The following C1orf87 variants were observed in gnomAD, a reference collection of about 807,000 sequenced individuals.
C1orf87 encodes the protein uncharacterized protein C1orf87.
C1orf87 carries 58 observed loss-of-function variants against 60.5 expected under a neutral mutation model. That is an observed-to-expected ratio of 0.96 (90% CI 0.78 to 1.19). The LOEUF is 1.19. Ranked by LOEUF, C1orf87 falls within the 50% of genes most tolerant of loss-of-function variation. The probability of loss-of-function intolerance (pLI) is 0.00; values close to 1 mark genes in which losing one functional copy is unlikely to be tolerated. For synonymous variants in C1orf87, 236 were observed against 227.4 expected, an observed-to-expected ratio of 1.04 and a Z score of -0.34; for missense variants, 673 against 638.6, an observed-to-expected ratio of 1.05 and a Z score of -0.58.
At chr1:60,008,702 A>T (rs1297720039) in intron 9 of C1orf87, 1 of 456,330 alleles carries the variant, frequency 2.2e-6, no homozygotes, top group Non-Finnish European at 4.4e-6. Flanking sequence ...AGCCCTAGCC[A>T]CGTGTGAAAC....
chr1:60,064,576 TA>T (rs1037523107), intron 2 of C1orf87, among the ~76,000 whole-genome samples: 2 of 121,786 alleles, frequency 1.6e-5, no homozygotes, highest in African/African-American at 6.2e-5. Flanking sequence ...ACTAATAGGA[TA>T]TATATCATAT....
chr1:60,036,816 T>G (rs2100291249), intron 6 of C1orf87, among the ~76,000 whole-genome samples: 1 of 152,328 alleles, frequency 6.6e-6, no homozygotes. Flanking sequence ...TTTTGAGTAA[T>G]TTCTCTCCCT....
intron 2 of C1orf87, among the ~76,000 whole-genome samples, chr1:60,069,971 A>G (rs929380090): frequency 2.6e-5 from 4 of 152,210 alleles, no homozygotes; most frequent in African/African-American, 9.7e-5. Context: ...AGCCATGTGA[A>G]GCTTGGAGAT....
intron 7 of C1orf87, among the ~76,000 whole-genome samples, chr1:60,026,190 T>C (rs1182714273): frequency 2.0e-5 from 3 of 152,214 alleles, no homozygotes; most frequent in Non-Finnish European, 4.4e-5. Context: ...TAACTTTTGT[T>C]GTATATTTAG....
intron 7 of C1orf87, among the ~76,000 whole-genome samples, chr1:60,029,167 A>G (rs1422358485): frequency 1.3e-5 from 2 of 152,088 alleles, no homozygotes; most frequent in African/African-American, 4.8e-5. Flanking sequence ...CAAAGCCAGA[A>G]CCTTGGGAGT....
chr1:60,049,084 A>G (rs1317176627), intron 3 of C1orf87, among the ~76,000 whole-genome samples: 1 of 152,054 alleles, frequency 6.6e-6, no homozygotes, highest in African/African-American at 2.4e-5. Flanking sequence ...TTTCAAGTAC[A>G]TCTTTGGGAT....
chr1:60,067,611 T>G (rs1469085972), intron 2 of C1orf87, among the ~76,000 whole-genome samples: 2 of 145,162 alleles, frequency 1.4e-5, no homozygotes, highest in African/African-American at 5.1e-5. Context: ...CCTTGTAGAC[T>G]CTGGACATTA....
rs140217659 is a variant in C1orf87, at chr1:60,039,934, T to C, written c.730A>G (p.Arg244Gly). The C allele has an allele frequency of 6.8e-6, 11 of 1,613,646 alleles. No homozygotes were observed. The African/African-American group carries it at 1.3e-4, about 20-fold the overall frequency. ...TGCCATACCATTTCAGGAGAACCCC[T>C]CTTAGAAAATCTCTGACAAAGGATT... ...VKILCQRFSK[R>G]GSPEMVNYEK... The change falls in exon 5 of 12, where the codon AGG (arginine) becomes GGG (glycine). Residue 244 changes from arginine (R) to glycine (G), a missense_variant. By Grantham distance (125) the Arg-to-Gly change is moderately radical (BLOSUM62 -2). Transcript: ENST00000371201.
At chr1:60,010,607 T>G in intron 8 of C1orf87, 151 bp from the exon 9 acceptor site, 1 of 663,550 alleles carries the variant, frequency 1.5e-6, no homozygotes, top group Non-Finnish European at 2.6e-6. Context: ...GAAACTACTT[T>G]GTATATCTTT....
chr1:60,070,410 A>G (rs1645576559), intron 2 of C1orf87, among the ~76,000 whole-genome samples: 1 of 152,162 alleles, frequency 6.6e-6, no homozygotes, highest in South Asian at 2.1e-4. Flanking sequence ...AATGGATTCA[A>G]CTTATTCAAT....
intron 4 of C1orf87, among the ~76,000 whole-genome samples, chr1:60,040,532 G>T (rs1454416127): frequency 6.6e-6 from 1 of 152,124 alleles, no homozygotes; most frequent in East Asian, 1.9e-4. Flanking sequence ...TTAGCATGGG[G>T]GATGCAAATC....
At chr1:60,043,532 C>A (rs1645342265) in intron 3 of C1orf87, among the ~76,000 whole-genome samples, 1 of 152,126 alleles carries the variant, frequency 6.6e-6, no homozygotes, top group Non-Finnish European at 1.5e-5. Context: ...CAGGCGGATG[C>A]CACCATGCCC....
intron 2 of C1orf87, among the ~76,000 whole-genome samples, chr1:60,067,465 A>G (rs867980682): frequency 6.6e-6 from 1 of 151,834 alleles, no homozygotes; most frequent in Non-Finnish European, 1.5e-5. Context: ...TCTAATGACC[A>G]GAGATGGTGA....
chr1:59,993,121 T>A (rs2100230200), intron 11 of C1orf87, among the ~76,000 whole-genome samples: 1 of 152,290 alleles, frequency 6.6e-6, no homozygotes, highest in East Asian at 1.9e-4. Context: ...ATGCACCAGC[T>A]AAGGTGGGAG....
intron 2 of C1orf87, among the ~76,000 whole-genome samples, chr1:60,059,122 A>AT (rs1217309814): frequency 2.0e-5 from 3 of 152,310 alleles, no homozygotes; most frequent in Admixed American, 6.5e-5. Flanking sequence ...TATCAAGAAA[A>AT]TGACTCTCTA....
chr1:60,049,929 A>T (rs1304068909), intron 3 of C1orf87, among the ~76,000 whole-genome samples: 1 of 151,960 alleles, frequency 6.6e-6, no homozygotes, highest in Admixed American at 6.6e-5. Flanking sequence ...CAGTGGGTTT[A>T]TTTCTGAATT....
At chr1:60,052,338 A>AT (rs34743565) in intron 3 of C1orf87, among the ~76,000 whole-genome samples, 59,664 of 151,948 alleles carry the variant, frequency 0.39, 12,232 homozygotes, top group South Asian at 0.48. Context: ...AACAATATGT[A>AT]TTTTTTCAAA....
intron 8 of C1orf87, among the ~76,000 whole-genome samples, chr1:60,025,012 G>A (rs1289485994): frequency 6.6e-6 from 1 of 152,164 alleles, no homozygotes; most frequent in East Asian, 1.9e-4. Context: ...TCTAAAGACA[G>A]ATCTATGTGA....
At chr1:60,000,688 C>T (rs2100241094) in intron 10 of C1orf87, among the ~76,000 whole-genome samples, 1 of 151,966 alleles carries the variant, frequency 6.6e-6, no homozygotes, top group South Asian at 2.1e-4. Context: ...GAAAAGGTCA[C>T]CCTCAGTTTC....
Sources: allele counts gnomAD v4.1 joint callset (sites outside exome capture counted in the v4.1 genomes callset), GRCh38; gene constraint gnomAD v4.1.1; transcripts MANE v1.5; gene names NCBI Gene and HGNC (gene_info 2026-07-23, HGNC 2026-07-21).